GRIK2: variants seen among roughly 807,000 people sequenced by gnomAD.
GRIK2 encodes the protein glutamate receptor ionotropic, kainate 2.
GRIK2 carries 32 observed loss-of-function variants against 100.3 expected under a neutral mutation model. That is an observed-to-expected ratio of 0.32 (90% CI 0.24 to 0.43). The LOEUF (loss-of-function observed/expected upper bound fraction) is 0.43. GRIK2 is among the 20% of genes least tolerant of loss of function. The pLI, the probability that GRIK2 is intolerant of heterozygous loss-of-function variation, is 1.00. For synonymous variants in GRIK2, 417 were observed against 389.4 expected, an observed-to-expected ratio of 1.07 and a Z score of -0.83; for missense variants, 843 against 1,114.9, an observed-to-expected ratio of 0.76 and a Z score of 3.47.
chr6:101,942,065 G>C (rs561634802), intron 14 of GRIK2, among the ~76,000 whole-genome samples: 3 of 151,956 alleles, frequency 2.0e-5, no homozygotes, highest in Non-Finnish European at 4.4e-5. Context: ...TTACAAGATG[G>C]TCACGATGAT....
chr6:101,645,076 A>G (rs950793856), intron 4 of GRIK2, among the ~76,000 whole-genome samples: 3 of 151,840 alleles, frequency 2.0e-5, no homozygotes, highest in African/African-American at 7.2e-5. Flanking sequence ...AGCCCCTGAG[A>G]CATGTAAACA....
intron 4 of GRIK2, among the ~76,000 whole-genome samples, chr6:101,652,748 G>A (rs1781860256): frequency 6.6e-6 from 1 of 152,154 alleles, no homozygotes; most frequent in South Asian, 2.1e-4. Flanking sequence ...CAAAGGAAAT[G>A]TTATTTTTTA....
chr6:101,670,316 G>A (rs899400039), intron 4 of GRIK2, among the ~76,000 whole-genome samples: 11 of 151,984 alleles, frequency 7.2e-5, no homozygotes, highest in African/African-American at 4.8e-5. Flanking sequence ...AGTAGGAGAC[G>A]GCAGGTCCTA....
chr6:101,570,521 G>C (rs1777479956), intron 2 of GRIK2, among the ~76,000 whole-genome samples: 1 of 152,012 alleles, frequency 6.6e-6, no homozygotes, highest in Non-Finnish European at 1.5e-5. Context: ...GGACAATATG[G>C]TCTCCAGTGA....
intron 2 of GRIK2, among the ~76,000 whole-genome samples, chr6:101,403,903 C>T (rs879764009): frequency 3.3e-5 from 5 of 152,138 alleles, no homozygotes; most frequent in Non-Finnish European, 5.9e-5. Context: ...AACGATCACA[C>T]TTTAAAAAAA....
At chr6:102,064,721 A>G (rs1447489132) in intron 16 of GRIK2, among the ~76,000 whole-genome samples, 1 of 151,212 alleles carries the variant, frequency 6.6e-6, no homozygotes. Flanking sequence ...ATATTTCACA[A>G]AACTCTGTAT....
intron 14 of GRIK2, among the ~76,000 whole-genome samples, chr6:102,020,341 A>G (rs1046411950): frequency 2.6e-5 from 4 of 151,920 alleles, no homozygotes; most frequent in African/African-American, 7.2e-5. Flanking sequence ...GGGATATTGT[A>G]GTAGGGAAGA....
At chr6:101,632,898 G>A (rs1485804754) in intron 4 of GRIK2, among the ~76,000 whole-genome samples, 1 of 152,058 alleles carries the variant, frequency 6.6e-6, no homozygotes, top group Non-Finnish European at 1.5e-5. Flanking sequence ...GGATGGAGAA[G>A]AGTTTTAGAG....
In GRIK2 at chr6:101,534,985, T is replaced by C. The variant is rs111556535; in HGVS notation, c.116-86964T>C. On this transcript the variant is annotated intron_variant, in intron 2 of 16. Transcript: ENST00000369134. The stretch of plus-strand genomic sequence containing the variant: ...TTTCTGGGCAGATTGCAGATTAGTT[T>C]GACATTATTTTGCTGAGCTCTGTGC... Among the ~76,000 whole-genome samples, 10 of 151,902 alleles carry C rather than the reference T, an allele frequency of 6.6e-5. 1 individual carries two copies. Among genetic ancestry groups the C allele is most frequent in the African/African-American group, 2.4e-4 (10 of 41,514 alleles).
intron 14 of GRIK2, among the ~76,000 whole-genome samples, chr6:101,991,556 C>A (rs1430006253): frequency 6.6e-6 from 1 of 150,872 alleles, no homozygotes; most frequent in African/African-American, 2.4e-5. Context: ...ATATTTTACA[C>A]CTTTAATGTA....
chr6:101,926,092 T>C (rs756849113), intron 13 of GRIK2, among the ~76,000 whole-genome samples: 6 of 151,308 alleles, frequency 4.0e-5, no homozygotes, highest in Non-Finnish European at 8.8e-5. Context: ...AACTTTTACA[T>C]GAGCTAACCT....
intron 7 of GRIK2, among the ~76,000 whole-genome samples, chr6:101,707,606 G>GTGTA (rs1562324764): frequency 4.9e-5 from 6 of 122,934 alleles, no homozygotes; most frequent in South Asian, 5.5e-4. Flanking sequence ...ATATATGTGT[G>GTGTA]TATATATATA....
intron 2 of GRIK2, among the ~76,000 whole-genome samples, chr6:101,544,428 A>AC (rs1412350837): frequency 1.3e-5 from 2 of 152,064 alleles, no homozygotes; most frequent in African/African-American, 2.4e-5. Context: ...CCTTCTGTGT[A>AC]CCCCGGGGGA....
intron 2 of GRIK2, among the ~76,000 whole-genome samples, chr6:101,511,847 C>T (rs1232869446): frequency 6.6e-6 from 1 of 151,800 alleles, no homozygotes; most frequent in African/African-American, 2.4e-5. Context: ...TTTTTATGAA[C>T]TCACCTATGA....
At chr6:101,522,400 C>A (rs963551105) in intron 2 of GRIK2, among the ~76,000 whole-genome samples, 10 of 152,206 alleles carry the variant, frequency 6.6e-5, no homozygotes, top group African/African-American at 2.4e-4. Context: ...GCATAACAAG[C>A]TTTTTATTCT....
intron 7 of GRIK2, among the ~76,000 whole-genome samples, chr6:101,779,899 T>C (rs1400774106): frequency 6.6e-6 from 1 of 152,142 alleles, no homozygotes; most frequent in Non-Finnish European, 1.5e-5. Flanking sequence ...AAAATTGTAG[T>C]TGAAAGAGAG....
intron 2 of GRIK2, among the ~76,000 whole-genome samples, chr6:101,440,296 A>G (rs565912447): frequency 2.0e-5 from 3 of 152,324 alleles, no homozygotes; most frequent in East Asian, 1.9e-4. Flanking sequence ...ACAAGGTTCA[A>G]TTGACATTAA....
At chr6:101,893,792 C>G (rs922294064) in intron 12 of GRIK2, among the ~76,000 whole-genome samples, 2 of 151,500 alleles carry the variant, frequency 1.3e-5, no homozygotes, top group Non-Finnish European at 3.0e-5. Flanking sequence ...AGAGTTGTGC[C>G]AAATGCTTGA....
chr6:101,704,796 A>G (rs1374263384), intron 7 of GRIK2, among the ~76,000 whole-genome samples: 2 of 151,286 alleles, frequency 1.3e-5, no homozygotes, highest in South Asian at 4.1e-4. Flanking sequence ...ATTTCTTTAC[A>G]CTTCAAAGAT....
Sources: allele counts gnomAD v4.1 joint callset (sites outside exome capture counted in the v4.1 genomes callset), GRCh38; gene constraint gnomAD v4.1.1; transcripts MANE v1.5; gene names NCBI Gene and HGNC (gene_info 2026-07-23, HGNC 2026-07-21).